The following IGF2BP3 variants were observed in gnomAD, a reference collection of about 807,000 sequenced individuals.
IGF2BP3 encodes the protein insulin-like growth factor 2 mRNA-binding protein 3.
A neutral mutation model predicts 73.8 loss-of-function variants in IGF2BP3; 9 were observed. The ratio of observed to expected loss-of-function variants is 0.12; its 90% CI spans 0.07 to 0.21. The LOEUF is 0.21. IGF2BP3 is among the 10% of genes least tolerant of loss of function. The pLI is 1.00. For missense variants in IGF2BP3, 542 were observed against 714.0 expected, an observed-to-expected ratio of 0.76 and a Z score of 2.75; for synonymous variants, 258 against 256.7, an observed-to-expected ratio of 1.01 and a Z score of -0.05.
At chr7:23,322,323 G>A (rs549883997) in intron 10 of IGF2BP3, among the ~76,000 whole-genome samples, 2,673 of 152,318 alleles carry the variant, frequency 0.018, 36 homozygotes, top group Non-Finnish European at 0.022. Flanking sequence ...GGGTATCAGC[G>A]ATGGAAGATG....
At chr7:23,451,403 C>A (rs528976571) in intron 2 of IGF2BP3, among the ~76,000 whole-genome samples, 66 of 151,968 alleles carry the variant, frequency 4.3e-4, no homozygotes, top group Non-Finnish European at 8.7e-4. Flanking sequence ...GGCAACAGAG[C>A]AAGACTCTGT....
chr7:23,460,197 C>CAAAAAAA (rs61675193), intron 2 of IGF2BP3, among the ~76,000 whole-genome samples: 16 of 113,362 alleles, frequency 1.4e-4, no homozygotes, highest in African/African-American at 5.5e-4. Flanking sequence ...AAAAAAAAAA[C>CAAAAAAA]AAAAACGAAA....
chr7:23,431,798 G>A (rs1787685834), intron 2 of IGF2BP3, among the ~76,000 whole-genome samples: 1 of 152,036 alleles, frequency 6.6e-6, no homozygotes, highest in African/African-American at 2.4e-5. Flanking sequence ...CTGGGGGTGG[G>A]GCAGGGGAAC....
intron 3 of IGF2BP3, chr7:23,402,637 C>A (rs960226250): frequency 6.6e-6 from 1 of 152,148 alleles, no homozygotes; most frequent in African/African-American, 2.4e-5. Context: ...CATGACAAGA[C>A]AAACTTATAA....
intron 3 of IGF2BP3, chr7:23,402,717 T>C (rs1328072642): frequency 6.6e-6 from 1 of 152,232 alleles, no homozygotes; most frequent in Non-Finnish European, 1.5e-5. Flanking sequence ...AATCTAATAA[T>C]AAAAATCAGC....
intron 6 of IGF2BP3, 166 bp from the exon 7 acceptor site, chr7:23,347,900 G>A: frequency 3.1e-6 from 2 of 647,532 alleles, no homozygotes; most frequent in Non-Finnish European, 5.0e-6. Flanking sequence ...AATGCCTTAA[G>A]AGGCAAATTT....
intron 2 of IGF2BP3, among the ~76,000 whole-genome samples, chr7:23,443,102 ATTTTTTTTTTT>A (rs34674050): frequency 2.6e-4 from 22 of 85,844 alleles, no homozygotes; most frequent in Middle Eastern, 8.2e-3. Context: ...CATTACAGTG[ATTTTTTTTTTT>A]TTTTTTTTTT....
intron 2 of IGF2BP3, among the ~76,000 whole-genome samples, chr7:23,424,981 T>G (rs1346363438): frequency 6.6e-6 from 1 of 152,192 alleles, no homozygotes; most frequent in Non-Finnish European, 1.5e-5. Flanking sequence ...CCCCCTTACG[T>G]AGCATGCCAT....
At chr7:23,463,867 A>G (rs998796381) in intron 2 of IGF2BP3, among the ~76,000 whole-genome samples, 12 of 152,234 alleles carry the variant, frequency 7.9e-5, no homozygotes, top group Admixed American at 5.2e-4. Context: ...TTTAGCTACA[A>G]CCACTTAGGC....
chr7:23,386,610 A>G (rs540440142), intron 3 of IGF2BP3, among the ~76,000 whole-genome samples: 1 of 152,378 alleles, frequency 6.6e-6, no homozygotes, highest in African/African-American at 2.4e-5. Context: ...GGGAAGATTG[A>G]ACAGATCTCC....
In IGF2BP3 at chr7:23,355,933, C is replaced by CA. The variant is rs35407214; in HGVS notation, c.402-4348dup. On this transcript the variant is annotated intron_variant, in intron 5 of 14. Coordinates refer to ENST00000258729, the MANE Select transcript of IGF2BP3 (RefSeq NM_006547.3). ...AGGTGATGAAATGAGACTTTGTCTC[C>CA]AAAAAAAAAAAAAAAAATTGTTCAT... 3.2e-3 allele frequency among the ~76,000 whole-genome samples: 370 copies of CA among 115,820 alleles called. 1 individual carries two copies. Among genetic ancestry groups the CA allele is most frequent in the East Asian group, 0.023 (79 of 3,492 alleles). 76.0% of individuals were successfully genotyped at this position (115,820 alleles called of 152,430 possible).
chr7:23,321,774 C>T (rs1784160148), intron 10 of IGF2BP3, among the ~76,000 whole-genome samples: 1 of 152,192 alleles, frequency 6.6e-6, no homozygotes, highest in Non-Finnish European at 1.5e-5. Context: ...CCCTGACCCC[C>T]AAGCAGCCTA....
At chr7:23,357,982 C>A (rs1043103110) in intron 5 of IGF2BP3, among the ~76,000 whole-genome samples, 1 of 152,212 alleles carries the variant, frequency 6.6e-6, no homozygotes, top group Non-Finnish European at 1.5e-5. Flanking sequence ...GTATACCAAA[C>A]AATAACAGGG....
intron 3 of IGF2BP3, chr7:23,396,563 C>T (rs1786472957): frequency 6.4e-6 from 1 of 156,390 alleles, no homozygotes; most frequent in African/African-American, 2.4e-5. Flanking sequence ...TTAAGTGCTA[C>T]CATAGTGTTA....
chr7:23,411,861 T>C (rs778233097), intron 3 of IGF2BP3, among the ~76,000 whole-genome samples: 53 of 152,128 alleles, frequency 3.5e-4, no homozygotes, highest in Admixed American at 1.0e-3. Context: ...CGGCTTACAG[T>C]GGGGTCTCTC....
intron 7 of IGF2BP3, 144 bp from the exon 8 acceptor site, chr7:23,346,206 T>C (rs543638261): frequency 3.8e-6 from 3 of 795,966 alleles, no homozygotes; most frequent in Non-Finnish European, 5.8e-6. Context: ...TGCTGACAAT[T>C]GGCCAGCATT....
At position 23,412,617 on chromosome 7, in the gene IGF2BP3, A is replaced by G. The variant is rs1158472374; in HGVS notation, c.285+6159T>C. Among the ~76,000 whole-genome samples, 4 of 152,094 alleles carry G rather than the reference A, an allele frequency of 2.6e-5. No individual in the cohort carries two copies. In the South Asian group the frequency reaches 8.3e-4, roughly 32 times the overall value. Reference sequence around the variant, plus strand: ...AGGGAAATATTGTTTCACCTTCCTCATCAGCCCCCAAAATGACAACCTTCC... The same window carrying G: ...AGGGAAATATTGTTTCACCTTCCTCGTCAGCCCCCAAAATGACAACCTTCC... On this transcript the variant is annotated intron_variant, in intron 3 of 14. Coordinates refer to ENST00000258729, the MANE Select transcript of IGF2BP3 (RefSeq NM_006547.3).
intron 5 of IGF2BP3, among the ~76,000 whole-genome samples, chr7:23,352,458 T>C (rs1287897265): frequency 6.6e-6 from 1 of 151,994 alleles, no homozygotes; most frequent in Non-Finnish European, 1.5e-5. Flanking sequence ...TTGGCTAATT[T>C]TTGTATTTTT....
chr7:23,435,487 T>G (rs1787787764), intron 2 of IGF2BP3, among the ~76,000 whole-genome samples: 2 of 151,046 alleles, frequency 1.3e-5, no homozygotes, highest in South Asian at 4.2e-4. Context: ...GGAGTCTCGC[T>G]CTGTCGCCCA....
Sources: allele counts gnomAD v4.1 joint callset (sites outside exome capture counted in the v4.1 genomes callset), GRCh38; gene constraint gnomAD v4.1.1; transcripts MANE v1.5; gene names NCBI Gene and HGNC (gene_info 2026-07-23, HGNC 2026-07-21).